NANS: variants seen among roughly 807,000 people sequenced by gnomAD.
NANS encodes the protein N-acetylneuraminate synthase, also known as N-acetylneuraminate-9-phosphate synthase.
In NANS, 29 loss-of-function variants were observed where a neutral mutation model predicts 33.3. That is an observed-to-expected ratio of 0.87 (90% CI 0.65 to 1.19). The LOEUF (loss-of-function observed/expected upper bound fraction) is 1.19, where lower values mean the gene tolerates loss of function less well. NANS is among the 50% of genes most tolerant of loss of function. The pLI is 0.00. For missense variants in NANS, 394 were observed against 461.1 expected (o/e 0.85, Z 1.33); for synonymous variants, 163 against 177.2 (o/e 0.92, Z 0.64).
chr9:98,077,149 G>A, intron 3 of NANS, 132 bp downstream of exon 3: 1 of 683,936 alleles, frequency 1.5e-6, no homozygotes, highest in Non-Finnish European at 2.4e-6. Context: ...TTTAAATAGA[G>A]ATAGGGTCTC....
In NANS at chr9:98,064,017, T is replaced by A. The variant is rs113411258; in HGVS notation, c.348+3020T>A. Among the ~76,000 whole-genome samples, 1,443 of 152,326 alleles carry A rather than the reference T, an allele frequency of 9.5e-3. 21 individuals carry two copies. The highest frequency in any genetic ancestry group is 0.033 in the African/African-American group (1,360 of 41,572). On this transcript the variant is annotated intron_variant, in intron 2 of 5. Transcript: ENST00000210444. ...AGGTTATTTGAAGCAGACTTCTGAC[T>A]CTGTGCCACTTTTCCAGTTCTAAAA... is the stretch of plus-strand genomic sequence containing the variant.
chr9:98,068,449 T>C (rs1829214288), intron 2 of NANS, among the ~76,000 whole-genome samples: 1 of 152,004 alleles, frequency 6.6e-6, no homozygotes, highest in East Asian at 1.9e-4. Context: ...TTTTTAGCTT[T>C]TTTTTTTCCT....
intron 2 of NANS, among the ~76,000 whole-genome samples, chr9:98,062,357 C>A (rs1033974175): frequency 1.3e-5 from 2 of 152,136 alleles, no homozygotes; most frequent in Non-Finnish European, 2.9e-5. Flanking sequence ...TTGGCTTGGC[C>A]ATGCTACATC....
chr9:98,068,290 A>G (rs760755944), intron 2 of NANS, among the ~76,000 whole-genome samples: 129 of 151,740 alleles, frequency 8.5e-4, no homozygotes, highest in Non-Finnish European at 1.6e-3. Context: ...GCACACCACC[A>G]TGCCCAGCTA....
chr9:98,061,783 A>C (rs1374602983), intron 2 of NANS, among the ~76,000 whole-genome samples: 2 of 151,450 alleles, frequency 1.3e-5, no homozygotes, highest in Non-Finnish European at 2.9e-5. Flanking sequence ...CGTCTCAAAA[A>C]AAAAAAAAAT....
At chr9:98,079,159 T>TCCC (rs1829733932) in intron 4 of NANS, among the ~76,000 whole-genome samples, 1 of 152,190 alleles carries the variant, frequency 6.6e-6, no homozygotes. Context: ...AAGCCTGAGA[T>TCCC]CCCACAGCAG....
At position 98,081,378 on chromosome 9, in the gene NANS, C is replaced by A. The variant is rs16912622; in HGVS notation, c.870+296C>A. ...AGCCCATGGCCCCAGTACTCCTAGA[C>A]TCCAGAATATGTAACAGGAGTGAGG... On this transcript the variant is annotated intron_variant, in intron 5 of 5. Transcript: ENST00000210444. 0.26 allele frequency: 97,836 copies of A among 381,884 alleles called. 15,759 individuals are homozygous for A. The highest frequency in any genetic ancestry group is 0.53 in the African/African-American group (25,418 of 48,224). The allele number at this position is 381,884 out of a possible 1,614,324, so 23.7% of individuals were successfully genotyped here. A position where few individuals can be genotyped will look rare whatever the true frequency, so the allele number is the denominator to read the frequency against.
chr9:98,067,441 G>A (rs1829181711), intron 2 of NANS, among the ~76,000 whole-genome samples: 2 of 152,158 alleles, frequency 1.3e-5, no homozygotes, highest in Admixed American at 1.3e-4. Flanking sequence ...CATCCTAGTG[G>A]ATGTGACATG....
chr9:98,067,726 T>C (rs1437942018), intron 2 of NANS, among the ~76,000 whole-genome samples: 1 of 148,616 alleles, frequency 6.7e-6, no homozygotes, highest in Non-Finnish European at 1.5e-5. Context: ...TTTCACTTTC[T>C]TTTTTTTTTG....
At chr9:98,075,641 A>AGAAATAAGTC (rs1345370793) in intron 2 of NANS, 1 of 152,154 alleles carries the variant, frequency 6.6e-6, no homozygotes, top group African/African-American at 2.4e-5. Flanking sequence ...GCCCTAACTT[A>AGAAATAAGTC]TTTCTGAGTC....
In NANS at chr9:98,068,386, T is replaced by C. The variant is rs148703980; in HGVS notation, c.348+7389T>C. Among the ~76,000 whole-genome samples, 849 of 152,132 alleles carry C rather than the reference T, an allele frequency of 5.6e-3. 5 individuals carry two copies. The highest frequency in any genetic ancestry group is 0.019 in the African/African-American group (808 of 41,536). The stretch of plus-strand genomic sequence containing the variant: ...AACTCCTGATCTCAAGTGATCTGCC[T>C]TCCTCGGCCTCCCAAATGCTAGGAT... On this transcript the variant is annotated intron_variant, in intron 2 of 5. Transcript: ENST00000210444.
intron 2 of NANS, among the ~76,000 whole-genome samples, chr9:98,065,509 T>TTTTTTTTTTTTTTTTTTTTTG: frequency 7.0e-6 from 1 of 142,800 alleles, no homozygotes; most frequent in African/African-American, 2.7e-5. Context: ...TTTTTTTTTT[T>TTTTTTTTTTTTTTTTTTTTTG]TGTATTTTTA....
Position 98,080,182 on chromosome 9 carries a change from C to T in NANS, c.604-634C>T, listed in dbSNP as rs192490365. Among the ~76,000 whole-genome samples, 15 of 152,284 alleles carry T rather than the reference C, an allele frequency of 9.9e-5. No individual in the cohort carries two copies. In the East Asian group the frequency reaches 2.9e-3, roughly 29 times the overall value. On this transcript the variant is annotated intron_variant, in intron 4 of 5. Transcript: ENST00000210444. Reference sequence around the variant, plus strand: ...TGAGCTGAGATCACGCCATTGCACTCCAGCCTTGGTGACAGAGCAAGACTC... The same window carrying T: ...TGAGCTGAGATCACGCCATTGCACTTCAGCCTTGGTGACAGAGCAAGACTC...
intron 1 of NANS, among the ~76,000 whole-genome samples, chr9:98,059,524 C>T (rs934958536): frequency 2.6e-5 from 4 of 152,110 alleles, no homozygotes; most frequent in African/African-American, 7.2e-5. Context: ...AAGCGATCCT[C>T]CCCCCTCAGC....
chr9:98,072,229 C>T (rs1389195463), intron 2 of NANS, among the ~76,000 whole-genome samples: 1 of 152,000 alleles, frequency 6.6e-6, no homozygotes, highest in African/African-American at 2.4e-5. Flanking sequence ...GAGCTAAACC[C>T]GTGGGGTGCC....
chr9:98,079,642 A>C (rs1209607373), intron 4 of NANS, among the ~76,000 whole-genome samples: 1 of 152,108 alleles, frequency 6.6e-6, no homozygotes, highest in Non-Finnish European at 1.5e-5. Flanking sequence ...CATCCCCTGC[A>C]CTCCCATCCC....
rs1829611685 is a variant in NANS, at chr9:98,076,805, C to T, written c.349-113C>T. 3.9e-6 allele frequency: 3 copies of T among 765,276 alleles called. No homozygotes were observed. In the East Asian group the frequency reaches 8.0e-5, roughly 20 times the overall value. The allele number at this position is 765,276 out of a possible 1,614,324, so 47.4% of individuals were successfully genotyped here. A position where few individuals can be genotyped will look rare whatever the true frequency, so the allele number is the denominator to read the frequency against. On this transcript the variant is annotated intron_variant, in intron 2 of 5. Coordinates refer to ENST00000210444, the MANE Select transcript of NANS (RefSeq NM_018946.4). ...TGCCTGCTTTCAAGTTGCTGAGCGT[C>T]CCTCTACTGCCTAAGATGAGGGGTT...
chr9:98,057,155 C>G, intron 1 of NANS, among the ~76,000 whole-genome samples: 1 of 152,370 alleles, frequency 6.6e-6, no homozygotes, highest in East Asian at 1.9e-4. Flanking sequence ...CCTCCTAACC[C>G]GACCTGTTTC....
intron 2 of NANS, among the ~76,000 whole-genome samples, chr9:98,065,637 C>T (rs569107177): frequency 6.6e-6 from 1 of 150,646 alleles, no homozygotes; most frequent in Non-Finnish European, 1.5e-5. Context: ...CTGCATCCAG[C>T]TGCTTTTTTT....
Sources: allele counts gnomAD v4.1 joint callset (sites outside exome capture counted in the v4.1 genomes callset), GRCh38; gene constraint gnomAD v4.1.1; transcripts MANE v1.5; gene names NCBI Gene and HGNC (gene_info 2026-07-23, HGNC 2026-07-21).